ADAMTS12: variants seen among roughly 807,000 people sequenced by gnomAD.
ADAMTS12 encodes the protein A disintegrin and metalloproteinase with thrombospondin motifs 12.
Under a neutral mutation model 167.8 loss-of-function variants are expected in ADAMTS12, and 118 were observed. The observed-to-expected ratio is 0.70, with a 90% CI of 0.61 to 0.82. The LOEUF is 0.82. Among genes scored for constraint, ADAMTS12 ranks in the 40% least tolerant of loss-of-function variants. The pLI, the probability that ADAMTS12 is intolerant of heterozygous loss-of-function variation, is 0.00. For synonymous variants in ADAMTS12, 704 were observed against 716.9 expected (o/e 0.98, Z 0.29); for missense variants, 1,916 against 1,998.8 (o/e 0.96, Z 0.79).
chr5:33,691,328 T>C (rs1015238565), intron 3 of ADAMTS12, among the ~76,000 whole-genome samples: 2 of 152,144 alleles, frequency 1.3e-5, no homozygotes, highest in African/African-American at 4.8e-5. Context: ...CTGAGGAACA[T>C]CACTTGAAAA....
intron 3 of ADAMTS12, among the ~76,000 whole-genome samples, chr5:33,738,240 A>G (rs1409568660): frequency 6.6e-6 from 1 of 151,756 alleles, no homozygotes; most frequent in African/African-American, 2.4e-5. Flanking sequence ...CCTGATAAAT[A>G]CCCTTCTCCA....
At position 33,608,833 on chromosome 5, in the gene ADAMTS12, T is replaced by A. The variant is rs116059261; in HGVS notation, c.2527+5405A>T. Among the ~76,000 whole-genome samples the A allele has an allele frequency of 8.3e-3, 1,266 of 152,166 alleles. 23 individuals carry two copies. The highest frequency in any genetic ancestry group is 0.029 in the African/African-American group (1,217 of 41,494). Reference sequence around the variant, plus strand: ...CCTGGCTGTGGTGATAAGCCTCGGATCTGATGGAGGAAATCCAATTGAAAA... The same window carrying A: ...CCTGGCTGTGGTGATAAGCCTCGGAACTGATGGAGGAAATCCAATTGAAAA... On this transcript the variant is annotated intron_variant, in intron 16 of 23. Transcript: ENST00000504830.
chr5:33,838,488 G>T (rs944090331), intron 2 of ADAMTS12, among the ~76,000 whole-genome samples: 1 of 152,128 alleles, frequency 6.6e-6, no homozygotes, highest in African/African-American at 2.4e-5. Flanking sequence ...TTCAAGACCA[G>T]CCTGGCCAAC....
rs761035466 is a variant in ADAMTS12 at position 33,658,254 on chromosome 5, G to A, written c.1120C>T (p.Arg374Cys). ...SHLSGMCQPHRSCNINEDSGL... is the reference protein window; with the variant it reads ...SHLSGMCQPHCSCNINEDSGL... ...GAATCTTCATTGATGTTACAACTGC[G>A]GTGAGGCTGACACATTCCTGAAAGG... The change falls in exon 7 of 24, where the codon CGC becomes TGC. Residue 374 changes from arginine (R) to cysteine (C), a missense_variant. Transcript: ENST00000504830. 2.5e-5 allele frequency: 41 copies of A among 1,613,556 alleles called. No homozygotes were observed. The highest frequency in any genetic ancestry group is 3.3e-4 in the Middle Eastern group (2 of 6,074).
At chr5:33,873,831 G>GT (rs1430336224) in intron 2 of ADAMTS12, among the ~76,000 whole-genome samples, 1 of 152,148 alleles carries the variant, frequency 6.6e-6, no homozygotes, top group Non-Finnish European at 1.5e-5. Context: ...TCAACAAATG[G>GT]TGCTGAACAA....
chr5:33,755,196 G>A (rs879463556), intron 2 of ADAMTS12, among the ~76,000 whole-genome samples: 2 of 152,140 alleles, frequency 1.3e-5, no homozygotes, highest in Admixed American at 6.5e-5. Context: ...AACACAAAAA[G>A]GCTACTAGTT....
intron 3 of ADAMTS12, among the ~76,000 whole-genome samples, chr5:33,694,888 T>G (rs940836069): frequency 2.6e-5 from 4 of 152,224 alleles, no homozygotes; most frequent in Admixed American, 2.0e-4. Context: ...TTTTTTCATT[T>G]TCTTCACTTG....
intron 2 of ADAMTS12, among the ~76,000 whole-genome samples, chr5:33,804,542 G>A (rs1344288143): frequency 6.6e-6 from 1 of 152,230 alleles, no homozygotes; most frequent in African/African-American, 2.4e-5. Flanking sequence ...GCTGTTTAAA[G>A]CCACTGAGTT....
chr5:33,891,361 G>T (rs1750843107), intron 1 of ADAMTS12, among the ~76,000 whole-genome samples: 1 of 150,392 alleles, frequency 6.6e-6, no homozygotes, highest in South Asian at 2.2e-4. Context: ...TAGCCAGTTA[G>T]CACTTAAAAA....
At chr5:33,615,514 G>A (rs886571069) in intron 15 of ADAMTS12, among the ~76,000 whole-genome samples, 1 of 152,164 alleles carries the variant, frequency 6.6e-6, no homozygotes, top group Non-Finnish European at 1.5e-5. Context: ...CTGTTGGAAA[G>A]CTACTTGGAA....
chr5:33,535,796 T>G (rs544938742), intron 22 of ADAMTS12, among the ~76,000 whole-genome samples: 1 of 152,070 alleles, frequency 6.6e-6, no homozygotes, highest in South Asian at 2.1e-4. Flanking sequence ...GAGATGAACG[T>G]TGGGTAAAAA....
Position 33,683,972 on chromosome 5 carries a change from G to A in ADAMTS12, c.718C>T (p.Arg240Cys), listed in dbSNP as rs138766355. The A allele has an allele frequency of 1.6e-5, 25 of 1,611,918 alleles. No individual in the cohort carries two copies. Among genetic ancestry groups the A allele is most frequent in the Non-Finnish European group, 2.0e-5 (24 of 1,179,272 alleles). The stretch of plus-strand genomic sequence containing the variant: ...ACCCATCTCTCCTTGCTGATGGAAC[G>A]CCGAGAGAGGCTTCTGCTTGGCAAG... ...HNLPSRSLSRRSISKERWVET... is the reference protein window; with the variant it reads ...HNLPSRSLSRCSISKERWVET... The change falls in exon 4 of 24, where the codon CGT (arginine) becomes TGT (cysteine). Residue 240 changes from arginine to cysteine, a missense_variant. Transcript: ENST00000504830.
At chr5:33,771,261 C>T (rs942002936) in intron 2 of ADAMTS12, among the ~76,000 whole-genome samples, 1 of 152,062 alleles carries the variant, frequency 6.6e-6, no homozygotes, top group South Asian at 2.1e-4. Flanking sequence ...GATCTTTATT[C>T]CTTTAGCTTA....
intron 20 of ADAMTS12, among the ~76,000 whole-genome samples, chr5:33,557,719 C>T (rs1745547550): frequency 6.6e-6 from 1 of 152,132 alleles, no homozygotes; most frequent in Non-Finnish European, 1.5e-5. Flanking sequence ...CCAGGGATCC[C>T]CAATCCCCCA....
intron 2 of ADAMTS12, among the ~76,000 whole-genome samples, chr5:33,874,103 G>A (rs549444947): frequency 3.9e-5 from 6 of 152,192 alleles, no homozygotes; most frequent in Admixed American, 2.0e-4. Flanking sequence ...AAAAATGTCT[G>A]CTCTGTGAAA....
intron 3 of ADAMTS12, among the ~76,000 whole-genome samples, chr5:33,717,448 T>C (rs1743654910): frequency 6.6e-6 from 1 of 152,144 alleles, no homozygotes. Context: ...TTAATCCACA[T>C]AATAACCCTG....
At chr5:33,623,602 A>G (rs1739435469) in intron 14 of ADAMTS12, among the ~76,000 whole-genome samples, 2 of 152,198 alleles carry the variant, frequency 1.3e-5, no homozygotes, top group Admixed American at 1.3e-4. Context: ...ATGGGAAAAG[A>G]ATAGTAAAGC....
At chr5:33,600,997 T>C (rs573532016) in intron 16 of ADAMTS12, among the ~76,000 whole-genome samples, 8 of 152,240 alleles carry the variant, frequency 5.3e-5, no homozygotes, top group African/African-American at 1.9e-4. Flanking sequence ...GCTCTCTAGG[T>C]TTCTTCACCT....
At chr5:33,661,291 A>G (rs1338842405) in intron 6 of ADAMTS12, among the ~76,000 whole-genome samples, 3 of 152,226 alleles carry the variant, frequency 2.0e-5, no homozygotes, top group African/African-American at 7.2e-5. Flanking sequence ...GCAAGAGTTG[A>G]TCAAGAAAGT....
Sources: allele counts gnomAD v4.1 joint callset (sites outside exome capture counted in the v4.1 genomes callset), GRCh38; gene constraint gnomAD v4.1.1; transcripts MANE v1.5; gene names NCBI Gene and HGNC (gene_info 2026-07-23, HGNC 2026-07-21).